PALM2AKAP2: variants seen among roughly 807,000 people sequenced by gnomAD.
The protein encoded by PALM2AKAP2 is PALM2 and AKAP2 fusion.
A neutral mutation model predicts 71.5 loss-of-function variants in PALM2AKAP2; 37 were observed. That is an observed-to-expected ratio of 0.52 (90% CI 0.40 to 0.68). PALM2AKAP2 has a LOEUF of 0.68. Ranked by LOEUF, PALM2AKAP2 falls within the 30% of genes least tolerant of loss-of-function variation. PALM2AKAP2 has a pLI of 0.00. For synonymous variants in PALM2AKAP2, 468 were observed against 478.8 expected (o/e 0.98, Z 0.29); for missense variants, 1,224 against 1,191.8 (o/e 1.03, Z -0.40).
At chr9:109,711,829 T>C (rs745891190) in intron 1 of PALM2AKAP2, among the ~76,000 whole-genome samples, 1 of 152,190 alleles carries the variant, frequency 6.6e-6, no homozygotes, top group Non-Finnish European at 1.5e-5. Flanking sequence ...TGAGATGGTG[T>C]TAGGCTGTCC....
intron 6 of PALM2AKAP2, among the ~76,000 whole-genome samples, chr9:109,994,872 C>T (rs1832545684): frequency 1.3e-5 from 2 of 152,174 alleles, no homozygotes; most frequent in Non-Finnish European, 2.9e-5. Flanking sequence ...TTGCCCCACA[C>T]CCATCAGCTG....
At chr9:109,683,089 G>A (rs533229497) in intron 1 of PALM2AKAP2, among the ~76,000 whole-genome samples, 8 of 151,998 alleles carry the variant, frequency 5.3e-5, no homozygotes, top group Non-Finnish European at 8.8e-5. Flanking sequence ...TCCCCTCCCC[G>A]CTTGCTCCTG....
intron 1 of PALM2AKAP2, among the ~76,000 whole-genome samples, chr9:109,649,138 G>C (rs1249947180): frequency 6.6e-6 from 1 of 151,212 alleles, no homozygotes; most frequent in Non-Finnish European, 1.5e-5. Context: ...ATTTCTTACT[G>C]TAAGTCATTG....
In PALM2AKAP2 at chr9:110,141,854, G is replaced by A. The variant is rs188244095; in HGVS notation, c.2569+3315G>A. ...AATAAAATCCACTGAGAGCCAAGAT[G>A]TGGTAAGGAAGGAGAAATCTTCTAA... On this transcript the variant is annotated intron_variant, in intron 2 of 3. Coordinates refer to ENST00000374525, the Ensembl canonical transcript of PALM2AKAP2. Among the ~76,000 whole-genome samples the A allele has an allele frequency of 3.7e-3, 559 of 152,288 alleles. 2 individuals carry two copies. The highest frequency in any genetic ancestry group is 0.012 in the African/African-American group (508 of 41,542).
At chr9:110,018,889 T>C (rs1336141935) in intron 7 of PALM2AKAP2, among the ~76,000 whole-genome samples, 2 of 152,174 alleles carry the variant, frequency 1.3e-5, no homozygotes, top group African/African-American at 4.8e-5. Flanking sequence ...TAAATGAAAG[T>C]ATTATTTTTT....
At chr9:109,975,331 C>T (rs898934082) in intron 6 of PALM2AKAP2, among the ~76,000 whole-genome samples, 1 of 152,180 alleles carries the variant, frequency 6.6e-6, no homozygotes, top group African/African-American at 2.4e-5. Flanking sequence ...CCAGGGGCAC[C>T]AGAAGACGGA....
At chr9:110,064,480 G>A (rs867210284) in intron 1 of PALM2AKAP2, among the ~76,000 whole-genome samples, 27 of 152,280 alleles carry the variant, frequency 1.8e-4, no homozygotes, top group Non-Finnish European at 3.5e-4. Flanking sequence ...GATGGCTCAC[G>A]CCTGTAATCC....
rs551868047 is a variant in PALM2AKAP2 at position 110,157,680 on chromosome 9, A to G, written c.2748+1183A>G. 4.6e-5 allele frequency among the ~76,000 whole-genome samples: 7 copies of G among 152,240 alleles called. No individual in the cohort carries two copies. The South Asian group carries it at 1.5e-3, about 32-fold the overall frequency. ...CTCCTAAAGTGCTGGGATTACAGAC[A>G]TGAGCCACTGCACCCAGCCTGCCTT... is the stretch of plus-strand genomic sequence containing the variant. On this transcript the variant is annotated intron_variant, in intron 3 of 3. Transcript: ENST00000374525.
intron 6 of PALM2AKAP2, among the ~76,000 whole-genome samples, chr9:109,955,187 G>A (rs1831723903): frequency 6.6e-6 from 1 of 152,136 alleles, no homozygotes; most frequent in Admixed American, 6.5e-5. Flanking sequence ...CAAGATAACA[G>A]CAGACTCAGA....
At chr9:110,138,172 T>C in exon 2 of PALM2AKAP2, 1 of 1,614,018 alleles carries the variant, frequency 6.2e-7, no homozygotes, top group Non-Finnish European at 8.5e-7. Flanking sequence ...AGATTCTGCC[T>C]GCTGAAGACA....
chr9:109,916,215 T>G lies in PALM2AKAP2; in HGVS notation c.258-7520T>G, dbSNP rs1356677750. ...CACCTTGGCCTCCCAATGTATTGGC[T>G]TTTGTAAGTAAGAAGGGCAAAGGAG... On this transcript the variant is annotated intron_variant, in intron 3 of 9. Transcript: ENST00000302798. Among the ~76,000 whole-genome samples, 3 of 152,294 alleles carry G rather than the reference T, an allele frequency of 2.0e-5. No homozygotes were observed. In the Middle Eastern group the frequency reaches 0.01, roughly 518 times the overall value.
upstream of PALM2AKAP2, among the ~76,000 whole-genome samples, chr9:109,778,381 G>A (rs1431603754): frequency 6.6e-6 from 1 of 152,182 alleles, no homozygotes; most frequent in African/African-American, 2.4e-5. Context: ...TCACTCTGCT[G>A]AAGCAATAAC....
chr9:110,090,652 A>G (rs1037423354), intron 1 of PALM2AKAP2, among the ~76,000 whole-genome samples: 1 of 152,236 alleles, frequency 6.6e-6, no homozygotes, highest in Non-Finnish European at 1.5e-5. Context: ...TAAGAGAGGT[A>G]AAGCAGAATA....
chr9:109,790,345 C>T (rs927392623), intron 1 of PALM2AKAP2, among the ~76,000 whole-genome samples: 1 of 150,316 alleles, frequency 6.7e-6, no homozygotes, highest in Admixed American at 6.6e-5. Context: ...GGGATTTTTC[C>T]CCCCTCTGCT....
rs1361392081 is a variant in PALM2AKAP2 at position 109,707,288 on chromosome 9, A to G, written c.5+66422A>G. 2.0e-5 allele frequency among the ~76,000 whole-genome samples: 3 copies of G among 152,114 alleles called. No individual in the cohort carries two copies. In the East Asian group the frequency reaches 5.8e-4, roughly 29 times the overall value. On this transcript the variant is annotated intron_variant, in intron 1 of 6. Transcript: ENST00000374531. ...AACTGCCCCCCTACCACCACCATTT[A>G]TGAGTCTTGGTGGAGTGCATCAGCC...
At chr9:110,067,217 C>G (rs959000055) in intron 1 of PALM2AKAP2, among the ~76,000 whole-genome samples, 1 of 152,046 alleles carries the variant, frequency 6.6e-6, no homozygotes, top group Non-Finnish European at 1.5e-5. Context: ...TGGCTGATCT[C>G]TCAATTAAGG....
At chr9:110,138,283 C>A in exon 2 of PALM2AKAP2, 3 of 1,614,212 alleles carry the variant, frequency 1.9e-6, no homozygotes, top group Non-Finnish European at 2.5e-6. Context: ...GCTATTTCAG[C>A]AAGTACTCGG....
intron 1 of PALM2AKAP2, among the ~76,000 whole-genome samples, chr9:109,697,603 C>T (rs552007482): frequency 1.3e-5 from 2 of 152,048 alleles, no homozygotes; most frequent in Non-Finnish European, 1.5e-5. Context: ...TATCATTTAT[C>T]AGAAATATTT....
At chr9:109,923,303 C>A (rs1207234995) in intron 3 of PALM2AKAP2, among the ~76,000 whole-genome samples, 2 of 152,216 alleles carry the variant, frequency 1.3e-5, no homozygotes, top group Non-Finnish European at 2.9e-5. Flanking sequence ...TGGCAACATA[C>A]TTCCTTTGAG....
Sources: allele counts gnomAD v4.1 joint callset (sites outside exome capture counted in the v4.1 genomes callset), GRCh38; gene constraint gnomAD v4.1.1; transcripts MANE v1.5; gene names NCBI Gene and HGNC (gene_info 2026-07-23, HGNC 2026-07-21).